The following FREM3 variants were observed in gnomAD, a reference collection of about 807,000 sequenced individuals.
FREM3 encodes FRAS1-related extracellular matrix protein 3.
Under a neutral mutation model 129.1 loss-of-function variants are expected in FREM3, and 105 were observed. That is an observed-to-expected ratio of 0.81 (90% confidence interval 0.69 to 0.96). The LOEUF (loss-of-function observed/expected upper bound fraction) is 0.96. FREM3 is among the 40% of genes least tolerant of loss of function. The pLI, the probability that FREM3 is intolerant of heterozygous loss-of-function variation, is 0.00. For synonymous variants in FREM3, 1,014 were observed against 1,044.9 expected, an observed-to-expected ratio of 0.97 and a Z score of 0.57; for missense variants, 2,593 against 2,666.3, an observed-to-expected ratio of 0.97 and a Z score of 0.61.
intron 6 of FREM3, among the ~76,000 whole-genome samples, chr4:143,608,649 G>A (rs1038986638): frequency 2.0e-5 from 3 of 152,134 alleles, no homozygotes; most frequent in African/African-American, 4.8e-5. Flanking sequence ...CTAATTATCT[G>A]GGTAAAATTA....
intron 1 of FREM3, among the ~76,000 whole-genome samples, 175 bp from the exon 2 acceptor site, chr4:143,693,377 T>A (rs36083752): frequency 0.31 from 47,079 of 152,094 alleles, 7,548 homozygotes; most frequent in Middle Eastern, 0.36. Context: ...AAACTTTAGT[T>A]TGAAATTTGG....
chr4:143,610,925 C>A (rs939348462), intron 6 of FREM3, among the ~76,000 whole-genome samples: 1 of 152,196 alleles, frequency 6.6e-6, no homozygotes, highest in Non-Finnish European at 1.5e-5. Flanking sequence ...GAGGGATGAT[C>A]CTTGTGCTGC....
chr4:143,634,265 G>A (rs1299113372), intron 2 of FREM3, among the ~76,000 whole-genome samples: 1 of 152,142 alleles, frequency 6.6e-6, no homozygotes, highest in African/African-American at 2.4e-5. Context: ...TTATTATGCA[G>A]GGAGTTTCTG....
chr4:143,661,675 T>C (rs984304995), intron 2 of FREM3, among the ~76,000 whole-genome samples: 1 of 152,234 alleles, frequency 6.6e-6, no homozygotes. Flanking sequence ...TACCAGTTCC[T>C]TCTTATACCT....
intron 2 of FREM3, among the ~76,000 whole-genome samples, chr4:143,690,033 A>G (rs1419752672): frequency 1.3e-5 from 2 of 148,898 alleles, no homozygotes; most frequent in Non-Finnish European, 2.9e-5. Flanking sequence ...AAAAAAAAAA[A>G]AAGAAATGCA....
chr4:143,700,395 C>G lies in FREM3; in HGVS notation c.281G>C (p.Arg94Pro), dbSNP rs1323925517. ...DLVIGVQPGD[R>P]CEVTVLDALP... ...GGCGTCCAGTACCGTGACTTCGCAC[C>G]GGTCCCCCGGCTGCACTCCAATCAC... Residue 94 changes from arginine to proline, a missense_variant, in exon 1 of 8, where the codon CGG becomes CCG. Arg to Pro is a moderately radical substitution (Grantham distance 103). Coordinates refer to ENST00000329798, the MANE Select transcript of FREM3 (RefSeq NM_001168235.2). The G allele has an allele frequency of 6.5e-7, 1 of 1,534,618 alleles. No homozygotes were observed. The highest frequency in any genetic ancestry group is 8.7e-7 in the Non-Finnish European group (1 of 1,145,866).
chr4:143,700,212 G>T lies in FREM3; in HGVS notation c.464C>A (p.Pro155His). ...YDAPTHTLVLPFTLAVDLVFS... is the reference protein window; with the variant it reads ...YDAPTHTLVLHFTLAVDLVFS... ...GACCAAGTCCACCGCCAGCGTGAAGGGCAGCACCAGAGTGTGAGTCGGGGC... is the reference window on the plus strand; with the variant it reads ...GACCAAGTCCACCGCCAGCGTGAAGTGCAGCACCAGAGTGTGAGTCGGGGC... Residue 155 changes from proline (P) to histidine (H), a missense_variant, in exon 1 of 8, where the codon CCC becomes CAC. Coordinates refer to ENST00000329798, the MANE Select transcript of FREM3 (RefSeq NM_001168235.2). 6.5e-7 allele frequency: 1 copy of T among 1,536,998 alleles called. No individual in the cohort carries two copies. Among genetic ancestry groups the T allele is most frequent in the Non-Finnish European group, 8.7e-7 (1 of 1,146,892 alleles).
In FREM3 at chr4:143,700,353, C is replaced by G; in HGVS notation, c.323G>C (p.Gly108Ala). ...TVLDALPRLK[G>A]ALSPRRFPCT... ...GGGGAAGCGGCGCGGGGAGAGCGCGCCCTTGAGCCGCGGCAGGGCGTCCAG... is the reference window on the plus strand; with the variant it reads ...GGGGAAGCGGCGCGGGGAGAGCGCGGCCTTGAGCCGCGGCAGGGCGTCCAG... Residue 108 changes from glycine (G) to alanine (A), a missense_variant, in exon 1 of 8, where the codon GGC (glycine) becomes GCC (alanine). Gly to Ala is a moderately conservative substitution (Grantham distance 60, BLOSUM62 0). This residue lies in a region of FREM3 where 2,276 missense variants were observed against 2,267.2 expected (regional missense o/e 1.00). Coordinates refer to ENST00000329798, the MANE Select transcript of FREM3 (RefSeq NM_001168235.2). 1 of 1,534,936 alleles carries G rather than the reference C, an allele frequency of 6.5e-7. No individual in the cohort carries two copies. The highest frequency in any genetic ancestry group is 8.7e-7 in the Non-Finnish European group (1 of 1,146,042).
In FREM3 at chr4:143,699,859, C is replaced by T. The variant is rs1740660256; in HGVS notation, c.817G>A (p.Gly273Arg). The T allele has an allele frequency of 6.5e-7, 1 of 1,536,672 alleles. No individual in the cohort carries two copies. The highest frequency in any genetic ancestry group is 8.7e-7 in the Non-Finnish European group (1 of 1,146,876). Residue 273 changes from glycine to arginine, a missense_variant, in exon 1 of 8, where the codon GGG becomes AGG. Gly to Arg is a moderately radical substitution (Grantham distance 125). Transcript: ENST00000329798. This position sits in a 1 kb window ranked among gnomAD's most constrained non-coding sequence, Gnocchi z 4.2. ...DYVPMMVELL[G>R]PEGQDAGSAG... Reference sequence around the variant, plus strand: ...GACCCAGCGTCTTGGCCCTCAGGCCCCAGCAGCTCCACCATCATGGGCACG... The same window carrying T: ...GACCCAGCGTCTTGGCCCTCAGGCCTCAGCAGCTCCACCATCATGGGCACG...
chr4:143,577,585 G>A lies in FREM3; in HGVS notation c.*26C>T. The A allele has an allele frequency of 6.5e-7, 1 of 1,526,802 alleles. No homozygotes were observed. The highest frequency in any genetic ancestry group is 8.8e-7 in the Non-Finnish European group (1 of 1,140,304). 94.6% of individuals were successfully genotyped at this position (1,526,802 alleles called of 1,614,324 possible). On this transcript the variant is annotated 3_prime_UTR_variant, in exon 8 of 8. Coordinates refer to ENST00000329798, the MANE Select transcript of FREM3 (RefSeq NM_001168235.2). ...TTCTGTTGTTAGGAGACATATCTTGGCTGTTTTTTTCCCTCTTAAAGTCTT... is the reference window on the plus strand; with the variant it reads ...TTCTGTTGTTAGGAGACATATCTTGACTGTTTTTTTCCCTCTTAAAGTCTT...
At chr4:143,691,500 T>G (rs1740469981) in intron 2 of FREM3, among the ~76,000 whole-genome samples, 1 of 152,208 alleles carries the variant, frequency 6.6e-6, no homozygotes, top group Non-Finnish European at 1.5e-5. Context: ...ACTCCAGAAC[T>G]GTAAGATGAC....
Position 143,699,718 on chromosome 4 carries a change from G to A in FREM3, c.958C>T (p.Leu320=), listed in dbSNP as rs2149865941. 2 of 1,519,638 alleles carry A rather than the reference G, an allele frequency of 1.3e-6. No homozygotes were observed. Among genetic ancestry groups the A allele is most frequent in the East Asian group, 4.9e-5 (2 of 40,740 alleles). The allele number at this position is 1,519,638 out of a possible 1,614,324, so 94.1% of individuals were successfully genotyped here. A position where few individuals can be genotyped will look rare whatever the true frequency, so the allele number is the denominator to read the frequency against. Residue 320 remains leucine, a synonymous_variant, in exon 1 of 8, where the codon CTG becomes TTG. Coordinates refer to ENST00000329798, the MANE Select transcript of FREM3 (RefSeq NM_001168235.2). This position sits in a 1 kb window ranked among gnomAD's most constrained non-coding sequence, Gnocchi z 4.2. ...MATMMMEVDP[L]VLTALTPDAL... is the part of the protein sequence containing the mutation. ...TCAGGCGTCAGGGCTGTCAGCACCA[G>A]TGGATCCACCTCCATCATCATCGTG...
chr4:143,656,422 T>C (rs748588340), intron 2 of FREM3, among the ~76,000 whole-genome samples: 7 of 152,172 alleles, frequency 4.6e-5, no homozygotes, highest in Admixed American at 2.6e-4. Flanking sequence ...TGTCTATCAA[T>C]TGATAAATGA....
In FREM3 at chr4:143,696,544, C is replaced by T. The variant is rs549985587; in HGVS notation, c.4132G>A (p.Asp1378Asn). ...NLTLGMNFTQ[D>N]EINRGLICYI... ...CAGATGAGGCCTCTGTTAATCTCAT[C>T]CTGGGTAAAGTTCATTCCCAGAGTA... The change falls in exon 1 of 8, where the codon GAT becomes AAT. Residue 1378 changes from aspartate (D) to asparagine (N), a missense_variant. This residue lies in a region of FREM3 where 2,276 missense variants were observed against 2,267.2 expected (regional missense o/e 1.00). Transcript: ENST00000329798. The T allele has an allele frequency of 2.2e-5, 34 of 1,537,378 alleles. No individual in the cohort carries two copies. The highest frequency in any genetic ancestry group is 2.7e-5 in the African/African-American group (2 of 73,038).
At chr4:143,668,221 T>C (rs2149854916) in intron 2 of FREM3, among the ~76,000 whole-genome samples, 1 of 152,244 alleles carries the variant, frequency 6.6e-6, no homozygotes, top group Middle Eastern at 3.4e-3. Flanking sequence ...TATCCAGAGC[T>C]TATTCTACAA....
At chr4:143,619,145 T>A (rs1738904854) in intron 5 of FREM3, among the ~76,000 whole-genome samples, 1 of 152,180 alleles carries the variant, frequency 6.6e-6, no homozygotes, top group Non-Finnish European at 1.5e-5. Flanking sequence ...GATCTTTTGA[T>A]GTCAGAGGGC....
rs192822759 is a variant in FREM3, at chr4:143,612,001, A to G, written c.5780-474T>C. ...CAACTAGAGTTCTTTGTATGACACC[A>G]TAATATAGCCAGAAAATTATATCTT... is the stretch of plus-strand genomic sequence containing the variant. On this transcript the variant is annotated intron_variant, in intron 5 of 7. Transcript: ENST00000329798. Among the ~76,000 whole-genome samples, 5 of 152,336 alleles carry G rather than the reference A, an allele frequency of 3.3e-5. No individual in the cohort carries two copies. The East Asian group carries it at 9.7e-4, about 29-fold the overall frequency.
intron 2 of FREM3, among the ~76,000 whole-genome samples, chr4:143,684,453 G>T (rs1740318489): frequency 6.6e-6 from 1 of 152,184 alleles, no homozygotes; most frequent in Non-Finnish European, 1.5e-5. Context: ...ATAGTAAAAG[G>T]CAGAGAGTAC....
chr4:143,628,011 G>A (rs1162325626), intron 2 of FREM3, among the ~76,000 whole-genome samples: 1 of 152,014 alleles, frequency 6.6e-6, no homozygotes, highest in Non-Finnish European at 1.5e-5. Context: ...AGGGTCTTGT[G>A]CATCAGGGTT....
Sources: allele counts gnomAD v4.1 joint callset (sites outside exome capture counted in the v4.1 genomes callset), GRCh38; gene constraint gnomAD v4.1.1; regional missense constraint gnomAD v4.1.1; non-coding constraint Gnocchi (gnomAD v3.1); transcripts MANE v1.5; gene names NCBI Gene and HGNC (gene_info 2026-07-23, HGNC 2026-07-21).